The following TRERF1 variants were observed in gnomAD, a reference collection of about 807,000 sequenced individuals.
TRERF1 encodes transcriptional-regulating factor 1.
TRERF1 carries 27 observed loss-of-function variants against 122.9 expected under a neutral mutation model. The observed-to-expected ratio is 0.22, with a 90% CI of 0.16 to 0.30. The LOEUF (loss-of-function observed/expected upper bound fraction) is 0.30, where lower values mean the gene tolerates loss of function less well. Ranked by LOEUF, TRERF1 falls within the 10% of genes least tolerant of loss-of-function variation. TRERF1 has a pLI of 1.00. For synonymous variants in TRERF1, 636 were observed against 641.7 expected (o/e 0.99, Z 0.13); for missense variants, 1,248 against 1,560.3 (o/e 0.80, Z 3.37).
At chr6:42,408,259 G>GTGTGTATGTATATATACATACACA (rs1780535253) in intron 2 of TRERF1, among the ~76,000 whole-genome samples, 2 of 126,020 alleles carry the variant, frequency 1.6e-5, no homozygotes, top group Non-Finnish European at 3.3e-5. Context: ...ACATACACAT[G>GTGTGTATGTATATATACATACACA]TGTGTGTATG....
At chr6:42,394,054 T>A (rs374546204) in intron 2 of TRERF1, among the ~76,000 whole-genome samples, 3 of 152,186 alleles carry the variant, frequency 2.0e-5, no homozygotes, top group East Asian at 3.8e-4. Flanking sequence ...GTTGCTTTTA[T>A]GACCATAAAA....
chr6:42,337,928 C>T (rs1437186803), intron 3 of TRERF1, among the ~76,000 whole-genome samples: 2 of 152,170 alleles, frequency 1.3e-5, no homozygotes, highest in Non-Finnish European at 2.9e-5. Context: ...ACCCTTGCTA[C>T]CTGGACCAGC....
intron 2 of TRERF1, among the ~76,000 whole-genome samples, chr6:42,420,242 T>C (rs1315333848): frequency 3.9e-5 from 6 of 152,224 alleles, no homozygotes; most frequent in Non-Finnish European, 1.5e-5. Flanking sequence ...TTTCCAGCTT[T>C]AAGCAGAATC....
At chr6:42,258,781 C>G (rs11753076) in intron 9 of TRERF1, among the ~76,000 whole-genome samples, 1 of 152,070 alleles carries the variant, frequency 6.6e-6, no homozygotes, top group South Asian at 2.1e-4. Flanking sequence ...ATCCCCCAGG[C>G]TAGAGTGCAG....
intron 4 of TRERF1, among the ~76,000 whole-genome samples, chr6:42,291,699 GTT>G (rs1014135394): frequency 1.4e-5 from 2 of 144,990 alleles, no homozygotes; most frequent in African/African-American, 2.5e-5. Flanking sequence ...ACGCCCGGCT[GTT>G]TTTTTTTTTT....
intron 3 of TRERF1, among the ~76,000 whole-genome samples, chr6:42,362,281 G>C (rs1262351654): frequency 2.6e-5 from 4 of 152,188 alleles, no homozygotes; most frequent in Non-Finnish European, 5.9e-5. Flanking sequence ...CCTCATACAG[G>C]AGGAATGGAA....
intron 3 of TRERF1, among the ~76,000 whole-genome samples, chr6:42,358,464 T>C (rs984975145): frequency 2.0e-5 from 3 of 152,222 alleles, no homozygotes; most frequent in African/African-American, 7.2e-5. Context: ...TTCCCTACAG[T>C]TGCACATTCA....
At chr6:42,446,980 G>C (rs918918604) in intron 2 of TRERF1, among the ~76,000 whole-genome samples, 15 of 152,344 alleles carry the variant, frequency 9.8e-5, no homozygotes, top group African/African-American at 3.6e-4. Flanking sequence ...ACTCCAGCCT[G>C]AGTGAGAGAG....
At chr6:42,251,831 C>T (rs1324337737) in intron 13 of TRERF1, among the ~76,000 whole-genome samples, 2 of 152,172 alleles carry the variant, frequency 1.3e-5, no homozygotes, top group Non-Finnish European at 1.5e-5. Context: ...TTGGGCTGTG[C>T]TCAGGGCCAA....
At chr6:42,400,438 G>T (rs1048291221) in intron 2 of TRERF1, among the ~76,000 whole-genome samples, 2 of 152,182 alleles carry the variant, frequency 1.3e-5, no homozygotes, top group Non-Finnish European at 2.9e-5. Context: ...CATTGTGAGG[G>T]GCTTTCCTTT....
chr6:42,437,811 A>G (rs1283996267), intron 2 of TRERF1, among the ~76,000 whole-genome samples: 1 of 152,192 alleles, frequency 6.6e-6, no homozygotes, highest in Admixed American at 6.5e-5. Flanking sequence ...CTGTATAATA[A>G]GGATAAGAAT....
chr6:42,403,174 T>C (rs540968688), intron 2 of TRERF1, among the ~76,000 whole-genome samples: 2 of 151,254 alleles, frequency 1.3e-5, no homozygotes, highest in African/African-American at 4.9e-5. Flanking sequence ...AAAAAGGCCA[T>C]GAAAGTGGGA....
intron 2 of TRERF1, among the ~76,000 whole-genome samples, chr6:42,422,724 A>G (rs2151575825): frequency 6.6e-6 from 1 of 151,222 alleles, no homozygotes; most frequent in East Asian, 1.9e-4. Flanking sequence ...CTTCCCCTGC[A>G]CTCTGTGCCC....
chr6:42,418,661 C>G (rs569871567), intron 2 of TRERF1, among the ~76,000 whole-genome samples: 17 of 152,042 alleles, frequency 1.1e-4, no homozygotes, highest in African/African-American at 4.1e-4. Flanking sequence ...CTAGTGGGCT[C>G]GTAGGTAGTT....
At chr6:42,330,995 G>A (rs774829690) in intron 3 of TRERF1, among the ~76,000 whole-genome samples, 3 of 152,024 alleles carry the variant, frequency 2.0e-5, no homozygotes, top group African/African-American at 4.8e-5. Flanking sequence ...TTTTTTTAAC[G>A]GGGAAGCTGT....
intron 2 of TRERF1, among the ~76,000 whole-genome samples, chr6:42,415,878 T>C (rs1017754381): frequency 2.6e-5 from 4 of 152,172 alleles, no homozygotes; most frequent in Non-Finnish European, 5.9e-5. Flanking sequence ...AAAATAATCC[T>C]AGTGGTAATT....
At chr6:42,357,758 A>C (rs1295702510) in intron 3 of TRERF1, among the ~76,000 whole-genome samples, 1 of 152,192 alleles carries the variant, frequency 6.6e-6, no homozygotes. Context: ...CTAACACAGA[A>C]GCTTAATCCT....
intron 2 of TRERF1, among the ~76,000 whole-genome samples, chr6:42,394,674 G>T (rs140317434): frequency 1.8e-3 from 268 of 152,040 alleles, no homozygotes; most frequent in African/African-American, 5.8e-3. Context: ...TAATAATATA[G>T]CAATACTAAT....
chr6:42,258,813 C>G (rs1177260466), intron 9 of TRERF1, among the ~76,000 whole-genome samples: 1 of 152,156 alleles, frequency 6.6e-6, no homozygotes, highest in Non-Finnish European at 1.5e-5. Context: ...TGGCTCACTG[C>G]AACCTCTGCC....
Sources: gnomAD v4.1 joint callset for allele counts (sites outside exome capture counted in the v4.1 genomes callset) on GRCh38, gnomAD v4.1.1 for gene constraint, MANE v1.5 for transcripts, NCBI Gene and HGNC (gene_info 2026-07-23, HGNC 2026-07-21) for gene names.